The following GRID2 variants were observed in gnomAD, a reference collection of about 807,000 sequenced individuals.
The protein encoded by GRID2 is glutamate receptor ionotropic, delta-2.
Under a neutral mutation model 114.8 loss-of-function variants are expected in GRID2, and 33 were observed. The observed-to-expected ratio is 0.29, with a 90% CI of 0.22 to 0.38. The LOEUF (loss-of-function observed/expected upper bound fraction) is 0.38. Ranked by LOEUF, GRID2 falls within the 10% of genes least tolerant of loss-of-function variation. The pLI, the probability that GRID2 is intolerant of heterozygous loss-of-function variation, is 1.00. For synonymous variants in GRID2, 505 were observed against 449.9 expected (o/e 1.12, Z -1.55); for missense variants, 1,184 against 1,257.7 (o/e 0.94, Z 0.89).
At chr4:93,109,675 G>A (rs1456185055) in intron 3 of GRID2, among the ~76,000 whole-genome samples, 1 of 151,824 alleles carries the variant, frequency 6.6e-6, no homozygotes, top group South Asian at 2.1e-4. Flanking sequence ...TCTAGTATTT[G>A]CCCTTTAAAT....
chr4:93,471,700 T>TTTTTTTTTTTTTTTGTTTG (rs1487281773), intron 11 of GRID2, among the ~76,000 whole-genome samples: 3 of 94,632 alleles, frequency 3.2e-5, no homozygotes, highest in African/African-American at 1.5e-4. Context: ...TGAATTCAAT[T>TTTTTTTTTTTTTTTGTTTG]TTTTTTTTTT....
At chr4:92,954,189 ATGTG>A (rs903794314) in intron 2 of GRID2, among the ~76,000 whole-genome samples, 1 of 151,064 alleles carries the variant, frequency 6.6e-6, no homozygotes, top group Non-Finnish European at 1.5e-5. Flanking sequence ...AAAGCATACT[ATGTG>A]TGTGTGTGTA....
At chr4:93,438,597 G>A (rs1303692382) in intron 10 of GRID2, among the ~76,000 whole-genome samples, 2 of 151,942 alleles carry the variant, frequency 1.3e-5, no homozygotes, top group Admixed American at 6.6e-5. Flanking sequence ...AATCTAGGGA[G>A]GAATAATGGA....
At chr4:92,710,696 A>T (rs1416818980) in intron 2 of GRID2, among the ~76,000 whole-genome samples, 1 of 152,080 alleles carries the variant, frequency 6.6e-6, no homozygotes. Flanking sequence ...GTTCTTCTAG[A>T]CTCACATTCC....
intron 1 of GRID2, among the ~76,000 whole-genome samples, chr4:92,568,004 A>G (rs1341047517): frequency 1.3e-5 from 2 of 152,028 alleles, no homozygotes. Context: ...GAAGTAAAAT[A>G]AAGCAGGGAT....
intron 8 of GRID2, among the ~76,000 whole-genome samples, chr4:93,380,868 T>C (rs1383056525): frequency 3.3e-5 from 5 of 152,036 alleles, no homozygotes; most frequent in Non-Finnish European, 7.4e-5. Flanking sequence ...CAGGATTCAG[T>C]GGGGATAGCT....
rs913271533 is a variant in GRID2 at position 92,742,421 on chromosome 4, A to G, written c.244+152135A>G. Among the ~76,000 whole-genome samples the G allele has an allele frequency of 5.3e-5, 8 of 151,324 alleles. No homozygotes were observed. The South Asian group carries it at 1.3e-3, about 24-fold the overall frequency. ...CTGCACCCCTCCAGCCTACCCCAGG[A>G]TTTTTCTTCTTCATTTCTGTGTTAT... On this transcript the variant is annotated intron_variant, in intron 2 of 15. Coordinates refer to ENST00000282020, the MANE Select transcript of GRID2 (RefSeq NM_001510.4).
At chr4:92,765,591 G>A (rs1001145358) in intron 2 of GRID2, among the ~76,000 whole-genome samples, 5 of 152,046 alleles carry the variant, frequency 3.3e-5, no homozygotes, top group African/African-American at 9.7e-5. Flanking sequence ...TTAGGTAGAG[G>A]TTTACTGTAG....
intron 1 of GRID2, among the ~76,000 whole-genome samples, chr4:92,581,541 C>T (rs920906814): frequency 4.6e-5 from 7 of 151,954 alleles, no homozygotes; most frequent in East Asian, 3.9e-4. Flanking sequence ...GTTTTCCAAA[C>T]GAAATGTGAT....
At chr4:92,860,193 T>C (rs1410081282) in intron 2 of GRID2, among the ~76,000 whole-genome samples, 1 of 151,988 alleles carries the variant, frequency 6.6e-6, no homozygotes, top group Non-Finnish European at 1.5e-5. Flanking sequence ...AACATTATAA[T>C]TTATACTGGA....
chr4:92,646,020 G>T (rs1052401832), intron 2 of GRID2, among the ~76,000 whole-genome samples: 5 of 151,696 alleles, frequency 3.3e-5, no homozygotes, highest in Admixed American at 6.6e-5. Context: ...AACTGAAAAA[G>T]AATTTTCCAT....
Position 93,798,008 on chromosome 4 carries a change from C to T in GRID2, c.222-8707C>T, listed in dbSNP as rs1734841594. Among the ~76,000 whole-genome samples the T allele has an allele frequency of 3.9e-5, 6 of 151,902 alleles. No individual in the cohort carries two copies. In the South Asian group the frequency reaches 1.2e-3, roughly 32 times the overall value. ...TCTCTACTAAAAATACAAAAATTAG[C>T]CAGGCATGGTGGCATGCACCTGTAC... On this transcript the variant is annotated intron_variant, in intron 1 of 1. Coordinates refer to the GRID2 transcript ENST00000637838.
At chr4:92,372,249 G>A (rs1217973657) in intron 1 of GRID2, among the ~76,000 whole-genome samples, 3 of 152,110 alleles carry the variant, frequency 2.0e-5, no homozygotes, top group Non-Finnish European at 4.4e-5. Flanking sequence ...TTAGAGCATG[G>A]ACTCCAATTT....
intron 2 of GRID2, among the ~76,000 whole-genome samples, chr4:92,799,681 C>G (rs1740063374): frequency 6.6e-6 from 1 of 151,988 alleles, no homozygotes. Context: ...ACTTAATCAC[C>G]TCTTTAAAGG....
intron 13 of GRID2, among the ~76,000 whole-genome samples, chr4:93,584,618 T>A (rs1402151875): frequency 6.6e-6 from 1 of 152,106 alleles, no homozygotes. Context: ...TTTCAAAAAA[T>A]TCATTAGAAA....
chr4:93,581,444 A>G (rs1360520224), intron 13 of GRID2, among the ~76,000 whole-genome samples: 1 of 152,182 alleles, frequency 6.6e-6, no homozygotes, highest in Non-Finnish European at 1.5e-5. Context: ...ATCCGTAAAT[A>G]TGTTATAGTA....
chr4:92,816,991 T>C (rs1423819295), intron 2 of GRID2, among the ~76,000 whole-genome samples: 1 of 152,082 alleles, frequency 6.6e-6, no homozygotes, highest in East Asian at 1.9e-4. Context: ...ATCTACTATC[T>C]TTAAAATCTA....
At chr4:92,781,509 G>A (rs961193858) in intron 2 of GRID2, among the ~76,000 whole-genome samples, 28 of 151,862 alleles carry the variant, frequency 1.8e-4, no homozygotes, top group Admixed American at 1.1e-3. Flanking sequence ...GATAAAATAC[G>A]CATTAATCTT....
chr4:92,654,581 T>A (rs1732132947), intron 2 of GRID2, among the ~76,000 whole-genome samples: 2 of 152,082 alleles, frequency 1.3e-5, no homozygotes, highest in South Asian at 4.1e-4. Context: ...TGTTATTGTT[T>A]GTTTATTTAA....
Sources: allele counts gnomAD v4.1 joint callset (sites outside exome capture counted in the v4.1 genomes callset), GRCh38; gene constraint gnomAD v4.1.1; transcripts MANE v1.5; gene names NCBI Gene and HGNC (gene_info 2026-07-23, HGNC 2026-07-21).